Variants in SLC2A9 observed in about 807,000 individuals in gnomAD.
The protein encoded by SLC2A9 is solute carrier family 2 member 9.
Under a neutral mutation model 50.6 loss-of-function variants are expected in SLC2A9, and 39 were observed. The ratio of observed to expected loss-of-function variants is 0.77; its 90% CI spans 0.60 to 1.01. The LOEUF (loss-of-function observed/expected upper bound fraction) is 1.01, where lower values mean the gene tolerates loss of function less well. Ranked by LOEUF, SLC2A9 falls within the 50% of genes least tolerant of loss-of-function variation. The pLI is 0.00. For missense variants in SLC2A9, 686 were observed against 677.6 expected (o/e 1.01, Z -0.14); for synonymous variants, 324 against 276.9 (o/e 1.17, Z -1.69).
chr4:9,883,152 CACACAT>C (rs930087579), intron 10 of SLC2A9, among the ~76,000 whole-genome samples: 3 of 151,964 alleles, frequency 2.0e-5, no homozygotes, highest in Non-Finnish European at 2.9e-5. Context: ...CACACACACA[CACACAT>C]ACACAGATTT....
At chr4:10,022,397 A>T (rs1186064744), upstream of SLC2A9, among the ~76,000 whole-genome samples, 1 of 152,276 alleles carries the variant, frequency 6.6e-6, no homozygotes, top group Non-Finnish European at 1.5e-5. Context: ...TGTCCTGCTC[A>T]TTCAGCACTG....
chr4:10,012,433 C>T (rs1193832032), intron 2 of SLC2A9, among the ~76,000 whole-genome samples: 1 of 152,168 alleles, frequency 6.6e-6, no homozygotes, highest in East Asian at 1.9e-4. Flanking sequence ...TAAATGCTTA[C>T]AATGTGTCAG....
chr4:9,955,148 A>G (rs1750994457), intron 5 of SLC2A9, among the ~76,000 whole-genome samples: 1 of 152,156 alleles, frequency 6.6e-6, no homozygotes, highest in Non-Finnish European at 1.5e-5. Context: ...GCCCAATCCA[A>G]GGGGAAGAAT....
Position 9,996,799 on chromosome 4 carries a change from A to G in SLC2A9, c.392T>C (p.Ile131Thr), listed in dbSNP as rs376055338. 4.3e-6 allele frequency: 7 copies of G among 1,613,810 alleles called. No individual in the cohort carries two copies. Among genetic ancestry groups the G allele is most frequent in the Non-Finnish European group, 5.9e-6 (7 of 1,179,882 alleles). ...GLVGTLIVKM[I>T]GKVLGRKHTL... ...TACTGACCTCCCAAGAACCTTTCCA[A>G]TCATCTTCACAATTAACGTCCCCAC... is the stretch of plus-strand genomic sequence containing the variant. The change falls in exon 3 of 12, where the codon ATT becomes ACT. Residue 131 changes from isoleucine to threonine, a missense_variant. Physicochemically the swap from Ile to Thr is moderately conservative, Grantham distance 89 (BLOSUM62 -1). Transcript: ENST00000264784.
upstream of SLC2A9, among the ~76,000 whole-genome samples, chr4:10,024,161 C>A (rs1290163308): frequency 6.6e-6 from 1 of 152,190 alleles, no homozygotes; most frequent in African/African-American, 2.4e-5. Context: ...CAACCTCTCG[C>A]TGCCTCTGTG....
At chr4:9,995,227 A>G (rs1758437426) in intron 3 of SLC2A9, among the ~76,000 whole-genome samples, 1 of 152,178 alleles carries the variant, frequency 6.6e-6, no homozygotes, top group Admixed American at 6.5e-5. Flanking sequence ...GAAGGACCTC[A>G]GACAATGGCA....
intron 1 of SLC2A9, among the ~76,000 whole-genome samples, chr4:10,028,010 A>G (rs1041494471): frequency 6.6e-6 from 1 of 152,142 alleles, no homozygotes; most frequent in African/African-American, 2.4e-5. Flanking sequence ...CAGAGCCTGG[A>G]TCTGCAGCCT....
At chr4:9,915,180 C>A (rs1164807865) in intron 7 of SLC2A9, among the ~76,000 whole-genome samples, 2 of 152,186 alleles carry the variant, frequency 1.3e-5, no homozygotes, top group Non-Finnish European at 2.9e-5. Context: ...CAGTGTGGGG[C>A]TCCTTCAACA....
At chr4:9,964,080 G>C (rs1040400024) in intron 5 of SLC2A9, among the ~76,000 whole-genome samples, 5 of 152,178 alleles carry the variant, frequency 3.3e-5, no homozygotes, top group Non-Finnish European at 5.9e-5. Flanking sequence ...GGAAATCAGG[G>C]AGTCAACACT....
chr4:9,945,466 G>A (rs78801470), intron 5 of SLC2A9, among the ~76,000 whole-genome samples: 9,597 of 152,214 alleles, frequency 0.063, 811 homozygotes, highest in East Asian at 0.46. Flanking sequence ...ACAATAGCTC[G>A]CAGACAGAGA....
chr4:9,909,690 C>G (rs572161222), intron 7 of SLC2A9, among the ~76,000 whole-genome samples: 1 of 152,328 alleles, frequency 6.6e-6, no homozygotes, highest in East Asian at 1.9e-4. Context: ...GGATTTTAGC[C>G]TGGACACAAA....
chr4:9,862,620 T>C (rs1025925412), intron 10 of SLC2A9, among the ~76,000 whole-genome samples: 2 of 152,000 alleles, frequency 1.3e-5, no homozygotes, highest in Non-Finnish European at 2.9e-5. Context: ...AGTTCCTGCC[T>C]CAGGACCTTT....
At chr4:9,866,723 G>A (rs574482636) in intron 10 of SLC2A9, among the ~76,000 whole-genome samples, 1 of 152,168 alleles carries the variant, frequency 6.6e-6, no homozygotes, top group South Asian at 2.1e-4. Flanking sequence ...CACCTTGGAC[G>A]TACTCCCCAT....
chr4:9,815,739 G>T (rs1457499488), intron 3 of SLC2A9, among the ~76,000 whole-genome samples: 1 of 152,244 alleles, frequency 6.6e-6, no homozygotes, highest in Non-Finnish European at 1.5e-5. Context: ...TGAAGGAAGA[G>T]AATCCTTCAG....
chr4:10,021,129 G>A, intron 1 of SLC2A9, 151 bp downstream of exon 1: 1 of 788,076 alleles, frequency 1.3e-6, no homozygotes, highest in South Asian at 1.5e-5. Flanking sequence ...AGATGGAGAA[G>A]TGCAACTCAA....
downstream of SLC2A9, among the ~76,000 whole-genome samples, chr4:9,776,319 G>A (rs570927076): frequency 6.6e-6 from 1 of 151,752 alleles, no homozygotes; most frequent in Non-Finnish European, 1.5e-5. Context: ...CTCCAACAAA[G>A]TTTGTTCCGC....
intron 3 of SLC2A9, among the ~76,000 whole-genome samples, chr4:9,781,025 A>G (rs1577252682): frequency 6.6e-6 from 1 of 152,214 alleles, no homozygotes; most frequent in East Asian, 1.9e-4. Context: ...GTGGTGGGGA[A>G]AAGGACAATC....
At chr4:9,832,326 C>G (rs904128658) in intron 11 of SLC2A9, among the ~76,000 whole-genome samples, 1 of 152,200 alleles carries the variant, frequency 6.6e-6, no homozygotes, top group Non-Finnish European at 1.5e-5. Flanking sequence ...CAGCAGCCCC[C>G]TGAGCCCAGC....
At chr4:9,870,595 T>C (rs1012406043) in intron 10 of SLC2A9, among the ~76,000 whole-genome samples, 3 of 152,220 alleles carry the variant, frequency 2.0e-5, no homozygotes, top group Non-Finnish European at 4.4e-5. Context: ...TAAGGAACAC[T>C]GCCACGTTTT....
Sources: gnomAD v4.1 joint callset for allele counts (sites outside exome capture counted in the v4.1 genomes callset) on GRCh38, gnomAD v4.1.1 for gene constraint, MANE v1.5 for transcripts, NCBI Gene and HGNC (gene_info 2026-07-23, HGNC 2026-07-21) for gene names.